The following TAFA1 variants were observed in gnomAD, a reference collection of about 807,000 sequenced individuals.
TAFA1 encodes chemokine-like protein TAFA-1.
In TAFA1, 4 loss-of-function variants were observed where a neutral mutation model predicts 18.5. The ratio of observed to expected loss-of-function variants is 0.22; its 90% CI spans 0.11 to 0.49. The LOEUF (loss-of-function observed/expected upper bound fraction) is 0.49, where lower values mean the gene tolerates loss of function less well. Ranked by LOEUF, TAFA1 falls within the 20% of genes least tolerant of loss-of-function variation. The probability of loss-of-function intolerance (pLI) is 0.98; values close to 1 mark genes in which losing one functional copy is unlikely to be tolerated. For synonymous variants in TAFA1, 56 were observed against 55.2 expected (o/e 1.01, Z -0.06); for missense variants, 147 against 169.0 (o/e 0.87, Z 0.72).
intron 2 of TAFA1, among the ~76,000 whole-genome samples, chr3:68,157,113 T>G (rs964616761): frequency 6.6e-6 from 1 of 152,220 alleles, no homozygotes; most frequent in Non-Finnish European, 1.5e-5. Flanking sequence ...ATAGAAAACA[T>G]GTTTGGAGCA....
At chr3:68,221,571 T>C (rs1468816854) in intron 2 of TAFA1, among the ~76,000 whole-genome samples, 1 of 152,170 alleles carries the variant, frequency 6.6e-6, no homozygotes, top group Admixed American at 6.5e-5. Context: ...ATTCCTAATA[T>C]TCCTCCTCTT....
At chr3:68,476,501 A>G (rs1191255610) in intron 3 of TAFA1, among the ~76,000 whole-genome samples, 3 of 152,224 alleles carry the variant, frequency 2.0e-5, no homozygotes, top group Non-Finnish European at 4.4e-5. Context: ...CTGAAATTTT[A>G]CATCTATTTT....
At chr3:68,159,730 A>C (rs1055500399) in intron 2 of TAFA1, among the ~76,000 whole-genome samples, 10 of 152,086 alleles carry the variant, frequency 6.6e-5, no homozygotes, top group African/African-American at 2.4e-4. Flanking sequence ...ACTTTCTCCC[A>C]CCTGGAAAGT....
chr3:68,379,344 G>A (rs1256248828), intron 2 of TAFA1, among the ~76,000 whole-genome samples: 1 of 152,116 alleles, frequency 6.6e-6, no homozygotes, highest in Non-Finnish European at 1.5e-5. Context: ...TAATGGGATT[G>A]TTTTATTCTT....
At chr3:68,411,942 T>C (rs748394461) in intron 2 of TAFA1, among the ~76,000 whole-genome samples, 24 of 152,192 alleles carry the variant, frequency 1.6e-4, no homozygotes, top group African/African-American at 4.1e-4. Flanking sequence ...CTTCCAACTG[T>C]TGGGGTCCTG....
At chr3:68,150,156 C>T (rs1341762840) in intron 2 of TAFA1, among the ~76,000 whole-genome samples, 1 of 152,172 alleles carries the variant, frequency 6.6e-6, no homozygotes, top group African/African-American at 2.4e-5. Context: ...TTTGTAAACA[C>T]ATGCAGCTGC....
chr3:68,390,165 G>T (rs185915463), intron 2 of TAFA1, among the ~76,000 whole-genome samples: 1 of 152,226 alleles, frequency 6.6e-6, no homozygotes, highest in Non-Finnish European at 1.5e-5. Flanking sequence ...CAAGCTTGGT[G>T]GGGGAAGGGG....
chr3:68,016,375 G>T (rs1022579295), intron 2 of TAFA1, among the ~76,000 whole-genome samples: 1 of 151,966 alleles, frequency 6.6e-6, no homozygotes, highest in East Asian at 1.9e-4. Flanking sequence ...TTAAACTTTT[G>T]CTTTAGGTTC....
At chr3:68,111,207 C>G (rs1472065409) in intron 2 of TAFA1, among the ~76,000 whole-genome samples, 2 of 152,136 alleles carry the variant, frequency 1.3e-5, no homozygotes, top group East Asian at 3.8e-4. Context: ...ATTTCCTAGA[C>G]CACATTTTGG....
intron 2 of TAFA1, among the ~76,000 whole-genome samples, chr3:68,367,812 G>T (rs1225936944): frequency 6.6e-6 from 1 of 152,202 alleles, no homozygotes; most frequent in Admixed American, 6.5e-5. Context: ...AGGTTGAGAA[G>T]TGGGATATAA....
chr3:68,528,451 C>T (rs903638532), intron 3 of TAFA1, among the ~76,000 whole-genome samples: 3 of 152,124 alleles, frequency 2.0e-5, no homozygotes, highest in Non-Finnish European at 4.4e-5. Context: ...CATAGAAAAG[C>T]GAAGTTTGAA....
At chr3:68,176,167 T>G (rs1292793898) in intron 2 of TAFA1, among the ~76,000 whole-genome samples, 3 of 152,148 alleles carry the variant, frequency 2.0e-5, no homozygotes, top group Non-Finnish European at 4.4e-5. Context: ...AGCATGAAAA[T>G]GGACTAATAC....
At chr3:68,458,669 A>G (rs1019469477) in intron 3 of TAFA1, among the ~76,000 whole-genome samples, 4 of 152,156 alleles carry the variant, frequency 2.6e-5, no homozygotes, top group African/African-American at 4.8e-5. Context: ...GTTGGCAACT[A>G]CTGTTATGAC....
intron 2 of TAFA1, among the ~76,000 whole-genome samples, chr3:68,291,378 A>C (rs1335421303): frequency 6.6e-6 from 1 of 152,170 alleles, no homozygotes; most frequent in African/African-American, 2.4e-5. Context: ...TTACATGCCC[A>C]GTGCTTTGTT....
chr3:68,128,375 G>A (rs371942264), intron 2 of TAFA1, among the ~76,000 whole-genome samples: 1 of 152,274 alleles, frequency 6.6e-6, no homozygotes, highest in East Asian at 1.9e-4. Context: ...GAGGTTAATG[G>A]CTATGAGGCA....
At chr3:68,479,684 T>C (rs1322873590) in intron 3 of TAFA1, among the ~76,000 whole-genome samples, 1 of 152,170 alleles carries the variant, frequency 6.6e-6, no homozygotes, top group Non-Finnish European at 1.5e-5. Flanking sequence ...ATGTGAATTC[T>C]GAAGGTATTT....
chr3:68,133,846 G>C (rs768318668), intron 2 of TAFA1, among the ~76,000 whole-genome samples: 1 of 151,944 alleles, frequency 6.6e-6, no homozygotes, highest in Non-Finnish European at 1.5e-5. Flanking sequence ...AAAAACCTTA[G>C]AAACTTGCTG....
chr3:68,262,158 C>T (rs1389872826), intron 2 of TAFA1, among the ~76,000 whole-genome samples: 1 of 151,044 alleles, frequency 6.6e-6, no homozygotes, highest in Non-Finnish European at 1.5e-5. Flanking sequence ...AATTTAGGGA[C>T]TGTTTCCATT....
chr3:68,028,961 C>G (rs1393929193), intron 2 of TAFA1, among the ~76,000 whole-genome samples: 1 of 151,928 alleles, frequency 6.6e-6, no homozygotes, highest in Non-Finnish European at 1.5e-5. Flanking sequence ...GCCATTTGCC[C>G]AGGCTGTTCT....
Sources: allele counts gnomAD v4.1 joint callset (sites outside exome capture counted in the v4.1 genomes callset), GRCh38; gene constraint gnomAD v4.1.1; transcripts MANE v1.5; gene names NCBI Gene and HGNC (gene_info 2026-07-23, HGNC 2026-07-21).